CRYL1: variants seen among roughly 807,000 people sequenced by gnomAD.
CRYL1 encodes the protein crystallin lambda 1, also known as lambda-crystallin homolog.
Under a neutral mutation model 36.6 loss-of-function variants are expected in CRYL1, and 29 were observed. That is an observed-to-expected ratio of 0.79 (90% CI 0.59 to 1.08). CRYL1 has a LOEUF of 1.08. CRYL1 is among the 50% of genes least tolerant of loss of function. The probability of loss-of-function intolerance (pLI) is 0.00; values close to 1 mark genes in which losing one functional copy is unlikely to be tolerated. For synonymous variants in CRYL1, 152 were observed against 151.5 expected (o/e 1.00, Z -0.02); for missense variants, 411 against 407.9 (o/e 1.01, Z -0.06).
intron 1 of CRYL1, among the ~76,000 whole-genome samples, chr13:20,514,525 A>G (rs773156849): frequency 4.6e-5 from 7 of 152,218 alleles, no homozygotes; most frequent in Non-Finnish European, 1.0e-4. Context: ...CAAAAGAGAA[A>G]TGATTATTGT....
chr13:20,432,695 G>C (rs1472148342), intron 4 of CRYL1, among the ~76,000 whole-genome samples: 1 of 152,038 alleles, frequency 6.6e-6, no homozygotes. Context: ...GTCACCACAG[G>C]CTCTGACATT....
chr13:20,502,345 C>G (rs769204962), intron 2 of CRYL1: 2 of 152,658 alleles, frequency 1.3e-5, no homozygotes, highest in Non-Finnish European at 2.9e-5. Flanking sequence ...CCCGCTTCCC[C>G]CTCCTCACTC....
chr13:20,470,838 A>G (rs887506771), intron 3 of CRYL1, among the ~76,000 whole-genome samples: 2 of 147,636 alleles, frequency 1.4e-5, no homozygotes, highest in Non-Finnish European at 3.0e-5. Flanking sequence ...TGAACCCAGG[A>G]GGCAGAGGTT....
At chr13:20,461,925 GACA>G (rs2032827317) in intron 3 of CRYL1, among the ~76,000 whole-genome samples, 2 of 103,242 alleles carry the variant, frequency 1.9e-5, no homozygotes, top group African/African-American at 3.6e-5. Context: ...GTGGGAGGAG[GACA>G]ACCTTGTGGG....
Position 20,493,916 on chromosome 13 carries a change from G to T in CRYL1, c.150-4420C>A, listed in dbSNP as rs191787698. Reference sequence around the variant, plus strand: ...CAATGTCTGTTTCTGCGACAAAGATGCAGCCGCAGAGATGGTGTCCTGTAT... The same window carrying T: ...CAATGTCTGTTTCTGCGACAAAGATTCAGCCGCAGAGATGGTGTCCTGTAT... On this transcript the variant is annotated intron_variant, in intron 2 of 7. Coordinates refer to ENST00000298248, the MANE Select transcript of CRYL1 (RefSeq NM_015974.3). Among the ~76,000 whole-genome samples the T allele has an allele frequency of 1.4e-3, 217 of 152,302 alleles. 1 individual carries two copies. Among genetic ancestry groups the T allele is most frequent in the African/African-American group, 4.9e-3 (205 of 41,564 alleles).
intron 3 of CRYL1, among the ~76,000 whole-genome samples, chr13:20,446,645 T>TTAA (rs1279221708): frequency 2.0e-5 from 3 of 152,232 alleles, no homozygotes; most frequent in Non-Finnish European, 2.9e-5. Flanking sequence ...TTCTCACACC[T>TTAA]AGGCTCTCCA....
chr13:20,464,826 T>C (rs546256148), intron 3 of CRYL1, among the ~76,000 whole-genome samples: 1 of 152,234 alleles, frequency 6.6e-6, no homozygotes, highest in African/African-American at 2.4e-5. Flanking sequence ...TAGATTCCAT[T>C]TGGTGTCAGA....
At chr13:20,512,669 A>T in intron 1 of CRYL1, 119 bp from the exon 2 acceptor site, 1 of 661,652 alleles carries the variant, frequency 1.5e-6, no homozygotes, top group South Asian at 2.0e-5. Context: ...TATTCAATAC[A>T]TATCTTAAAA....
rs148128861 is a variant in CRYL1, at chr13:20,482,739, C to CTGTGTGTG, written c.276+6623_276+6630dup. 3.8e-3 allele frequency among the ~76,000 whole-genome samples: 571 copies of CTGTGTGTG among 150,904 alleles called. 3 individuals are homozygous for CTGTGTGTG. The highest frequency in any genetic ancestry group is 9.0e-3 in the African/African-American group (370 of 41,284). ...TAGTTGAAGCATTGTGGCAAGCAGT[C>CTGTGTGTG]TGTGTGTGTGTGTGTGTGCGCGCGT... On this transcript the variant is annotated intron_variant, in intron 3 of 7. Transcript: ENST00000298248.
rs745810845 is a variant in CRYL1 at position 20,404,679 on chromosome 13, G to A, written c.802C>T (p.Pro268Ser). 1.2e-5 allele frequency: 19 copies of A among 1,614,008 alleles called. No individual in the cohort carries two copies. The highest frequency in any genetic ancestry group is 1.6e-5 in the Non-Finnish European group (19 of 1,179,878). Residue 268 changes from proline to serine, a missense_variant, in exon 7 of 8, where the codon CCC (proline) becomes TCC (serine). Coordinates refer to ENST00000298248, the MANE Select transcript of CRYL1 (RefSeq NM_015974.3). ...GIKHVLQTFG[P>S]IPEFSRATAE... ...GTGGCCCTGGAAAACTCTGGAATGG[G>A]TCCAAAAGTCTGTAGGACATGTTTT...
At chr13:20,453,779 G>A (rs1593454394) in intron 3 of CRYL1, among the ~76,000 whole-genome samples, 1 of 152,100 alleles carries the variant, frequency 6.6e-6, no homozygotes, top group African/African-American at 2.4e-5. Flanking sequence ...AATAAAAAGA[G>A]AGAAGACACA....
chr13:20,432,308 G>T lies in CRYL1; in HGVS notation c.439-12C>A. 1.3e-6 allele frequency: 2 copies of T among 1,591,136 alleles called. No individual in the cohort carries two copies. Among genetic ancestry groups the T allele is most frequent in the Non-Finnish European group, 8.6e-7 (1 of 1,163,488 alleles). ...TATGGCGGATTCACCTTAGGAGAGA[G>T]AGAGAAGTGGGGGAGTCAAGGAGAT... is the stretch of plus-strand genomic sequence containing the variant. On this transcript the variant is annotated splice_polypyrimidine_tract_variant and intron_variant, in intron 4 of 7. Transcript: ENST00000298248.
At chr13:20,521,102 C>CAAAAAAAA (rs55882188) in intron 1 of CRYL1, among the ~76,000 whole-genome samples, 1 of 75,564 alleles carries the variant, frequency 1.3e-5, no homozygotes. Context: ...GACTCCGTCT[C>CAAAAAAAA]AAAAAAAAAA....
chr13:20,406,817 C>G (rs115932775), intron 6 of CRYL1, among the ~76,000 whole-genome samples: 3 of 151,882 alleles, frequency 2.0e-5, no homozygotes, highest in East Asian at 4.0e-4. Context: ...CATATCCCCC[C>G]ACTTGCAGGC....
At chr13:20,446,030 A>C (rs2032444980) in intron 3 of CRYL1, among the ~76,000 whole-genome samples, 1 of 152,268 alleles carries the variant, frequency 6.6e-6, no homozygotes, top group Non-Finnish European at 1.5e-5. Flanking sequence ...AGCTAAGCAC[A>C]GTATACAAGA....
In CRYL1 at chr13:20,423,556, C is replaced by G. The variant is rs536072713; in HGVS notation, c.633+8546G>C. Reference sequence around the variant, plus strand: ...CCTGTATTCTGTTAACATGACATATCACATTTATAGATTTGCCTATGGTAA... The same window carrying G: ...CCTGTATTCTGTTAACATGACATATGACATTTATAGATTTGCCTATGGTAA... On this transcript the variant is annotated intron_variant, in intron 5 of 7. Coordinates refer to ENST00000298248, the MANE Select transcript of CRYL1 (RefSeq NM_015974.3). Among the ~76,000 whole-genome samples, 18 of 152,264 alleles carry G rather than the reference C, an allele frequency of 1.2e-4. 2 individuals are homozygous for G. In the South Asian group the frequency reaches 3.7e-3, roughly 32 times the overall value.
intron 3 of CRYL1, 53 bp downstream of exon 3, chr13:20,489,317 T>C: frequency 6.2e-7 from 1 of 1,606,238 alleles, no homozygotes; most frequent in Non-Finnish European, 8.5e-7. Flanking sequence ...CCGGAGAGGC[T>C]GGGAGACAAT....
chr13:20,434,169 G>A (rs1593441196), intron 4 of CRYL1, among the ~76,000 whole-genome samples: 1 of 152,156 alleles, frequency 6.6e-6, no homozygotes, highest in African/African-American at 2.4e-5. Context: ...AATGTTCCTG[G>A]CCCCTGCCTC....
chr13:20,499,601 G>A (rs879309154), intron 2 of CRYL1, among the ~76,000 whole-genome samples: 8 of 150,616 alleles, frequency 5.3e-5, no homozygotes, highest in East Asian at 2.0e-4. Context: ...GCAGTGAGCC[G>A]AGATCATGCC....
Sources: allele counts gnomAD v4.1 joint callset (sites outside exome capture counted in the v4.1 genomes callset), GRCh38; gene constraint gnomAD v4.1.1; transcripts MANE v1.5; gene names NCBI Gene and HGNC (gene_info 2026-07-23, HGNC 2026-07-21).